The following SORCS1 variants were observed in gnomAD, a reference collection of about 807,000 sequenced individuals.
The protein encoded by SORCS1 is sortilin related VPS10 domain containing receptor 1, also known as VPS10 domain-containing receptor SorCS1.
In SORCS1, 60 loss-of-function variants were observed where a neutral mutation model predicts 146.1. That is an observed-to-expected ratio of 0.41 (90% confidence interval 0.33 to 0.51). The LOEUF (loss-of-function observed/expected upper bound fraction) is 0.51. Ranked by LOEUF, SORCS1 falls within the 20% of genes least tolerant of loss-of-function variation. The probability of loss-of-function intolerance (pLI) is 0.21; values close to 1 mark genes in which losing one functional copy is unlikely to be tolerated. For missense variants in SORCS1, 1,352 were observed against 1,487.6 expected (o/e 0.91, Z 1.50); for synonymous variants, 637 against 584.0 (o/e 1.09, Z -1.31).
chr10:106,633,291 A>T (rs1376533995), intron 18 of SORCS1, among the ~76,000 whole-genome samples: 2 of 152,194 alleles, frequency 1.3e-5, no homozygotes, highest in Non-Finnish European at 2.9e-5. Flanking sequence ...TATAACCTTG[A>T]ATCTTTTTTA....
chr10:106,822,791 T>TGTTTGTTTG (rs1564699920), intron 3 of SORCS1, among the ~76,000 whole-genome samples: 3,755 of 147,502 alleles, frequency 0.025, 190 homozygotes, highest in African/African-American at 0.091. Context: ...GGTTTTTTTT[T>TGTTTGTTTG]TTTTTTTTTT....
At chr10:106,687,286 T>C (rs943643187) in intron 10 of SORCS1, among the ~76,000 whole-genome samples, 4 of 152,186 alleles carry the variant, frequency 2.6e-5, no homozygotes, top group Non-Finnish European at 4.4e-5. Flanking sequence ...GCAAGATTCA[T>C]CTTTGATCCT....
intron 18 of SORCS1, among the ~76,000 whole-genome samples, chr10:106,633,666 TAAAC>T (rs143314581): frequency 0.017 from 2,632 of 151,940 alleles, 114 homozygotes; most frequent in East Asian, 0.095. Context: ...GATAGTAGAT[TAAAC>T]AAACAAACAA....
At chr10:107,001,967 T>C (rs1485962130) in intron 1 of SORCS1, among the ~76,000 whole-genome samples, 1 of 152,224 alleles carries the variant, frequency 6.6e-6, no homozygotes, top group African/African-American at 2.4e-5. Flanking sequence ...TTTCCTTTCC[T>C]TTGGGTTCTT....
chr10:106,872,765 G>T (rs1376118242), intron 2 of SORCS1, among the ~76,000 whole-genome samples: 3 of 152,120 alleles, frequency 2.0e-5, no homozygotes, highest in Non-Finnish European at 4.4e-5. Flanking sequence ...AATTAGATAG[G>T]ACAGAAATTT....
intron 1 of SORCS1, among the ~76,000 whole-genome samples, chr10:107,146,673 T>A (rs7900609): frequency 4.7e-4 from 71 of 152,236 alleles, no homozygotes; most frequent in African/African-American, 1.4e-3. Context: ...TAGAATATAG[T>A]GGTTAAGAGC....
At chr10:106,900,642 G>A (rs1015320361) in intron 2 of SORCS1, among the ~76,000 whole-genome samples, 3 of 152,114 alleles carry the variant, frequency 2.0e-5, no homozygotes, top group Non-Finnish European at 4.4e-5. Flanking sequence ...GCTCCGTAAC[G>A]TTGGCTGACA....
chr10:106,964,632 G>A (rs1408188958), intron 1 of SORCS1, among the ~76,000 whole-genome samples: 6 of 152,034 alleles, frequency 3.9e-5, no homozygotes, highest in African/African-American at 1.2e-4. Flanking sequence ...GACTACAGGT[G>A]CGTGCCACCA....
chr10:106,710,583 G>A (rs982782491), intron 6 of SORCS1, among the ~76,000 whole-genome samples: 3 of 152,214 alleles, frequency 2.0e-5, no homozygotes, highest in Admixed American at 6.5e-5. Context: ...CAGTTTGGTC[G>A]CTATTGCTGG....
At chr10:107,001,360 C>T (rs1957211611) in intron 1 of SORCS1, among the ~76,000 whole-genome samples, 1 of 152,128 alleles carries the variant, frequency 6.6e-6, no homozygotes, top group South Asian at 2.1e-4. Flanking sequence ...AGGCACGTTT[C>T]AGACCAATTA....
At chr10:106,891,064 C>T (rs1951210954) in intron 2 of SORCS1, among the ~76,000 whole-genome samples, 1 of 152,122 alleles carries the variant, frequency 6.6e-6, no homozygotes, top group Non-Finnish European at 1.5e-5. Context: ...CTGAATTTAT[C>T]CCCTACTTGA....
chr10:106,642,736 A>G (rs1849156193), intron 18 of SORCS1, among the ~76,000 whole-genome samples: 1 of 151,690 alleles, frequency 6.6e-6, no homozygotes, highest in African/African-American at 2.4e-5. Flanking sequence ...GAATAGATAA[A>G]CAGTGTCAGG....
At position 106,696,671 on chromosome 10, in the gene SORCS1, G is replaced by C. The variant is rs539748235; in HGVS notation, c.1413+2543C>G. Among the ~76,000 whole-genome samples, 17 of 152,296 alleles carry C rather than the reference G, an allele frequency of 1.1e-4. No individual in the cohort carries two copies. In the South Asian group the frequency reaches 3.5e-3, roughly 32 times the overall value. On this transcript the variant is annotated intron_variant, in intron 9 of 25. Transcript: ENST00000263054. ...ACACAAGATTAACAAAGCAATGTTT[G>C]GCATGTCCAGAGGTCGCCTTGTTTC...
intron 1 of SORCS1, among the ~76,000 whole-genome samples, chr10:107,153,335 C>T (rs577648556): frequency 1.9e-4 from 29 of 152,226 alleles, no homozygotes; most frequent in Non-Finnish European, 1.0e-4. Flanking sequence ...TGAATGTATA[C>T]AGACATATAA....
chr10:106,642,243 AG>A (rs996527504), intron 18 of SORCS1, among the ~76,000 whole-genome samples: 1 of 152,202 alleles, frequency 6.6e-6, no homozygotes, highest in Non-Finnish European at 1.5e-5. Flanking sequence ...ACATGGATAG[AG>A]GCACAAGCTC....
intron 1 of SORCS1, among the ~76,000 whole-genome samples, chr10:107,064,529 C>T (rs1374508294): frequency 6.6e-6 from 1 of 152,130 alleles, no homozygotes; most frequent in Non-Finnish European, 1.5e-5. Context: ...GTCTGCTTCC[C>T]ATCATGCTCC....
chr10:107,101,366 A>C (rs1398140709), intron 1 of SORCS1, among the ~76,000 whole-genome samples: 5 of 152,214 alleles, frequency 3.3e-5, no homozygotes, highest in Non-Finnish European at 5.9e-5. Context: ...TGTTTTGTAG[A>C]AACATGGTCT....
At chr10:106,656,657 T>G (rs991860915) in intron 17 of SORCS1, among the ~76,000 whole-genome samples, 5 of 110,570 alleles carry the variant, frequency 4.5e-5, no homozygotes, top group African/African-American at 1.2e-4. Flanking sequence ...ATTTAGTAGG[T>G]TTTTTTTTTT....
chr10:106,876,451 A>G (rs1211822323), intron 2 of SORCS1, among the ~76,000 whole-genome samples: 1 of 152,226 alleles, frequency 6.6e-6, no homozygotes, highest in Non-Finnish European at 1.5e-5. Context: ...ACCTTAGGTC[A>G]AGCACAGGAT....
Sources: gnomAD v4.1 joint callset for allele counts (sites outside exome capture counted in the v4.1 genomes callset) on GRCh38, gnomAD v4.1.1 for gene constraint, MANE v1.5 for transcripts, NCBI Gene and HGNC (gene_info 2026-07-23, HGNC 2026-07-21) for gene names.